The following MOGAT1 variants were observed in gnomAD, a reference collection of about 807,000 sequenced individuals.
The protein encoded by MOGAT1 is monoacylglycerol O-acyltransferase 1.
Under a neutral mutation model 31.4 loss-of-function variants are expected in MOGAT1, and 32 were observed. The ratio of observed to expected loss-of-function variants is 1.02; its 90% CI spans 0.77 to 1.37. The LOEUF (loss-of-function observed/expected upper bound fraction) is 1.37. MOGAT1 is among the 40% of genes most tolerant of loss of function. The pLI is 0.00. For missense variants in MOGAT1, 426 were observed against 402.0 expected, an observed-to-expected ratio of 1.06 and a Z score of -0.51; for synonymous variants, 145 against 144.5, an observed-to-expected ratio of 1.00 and a Z score of -0.03.
At chr2:222,672,889 T>TTTTTTTTTATTATTATTATTA (rs139797469) in intron 1 of MOGAT1, among the ~76,000 whole-genome samples, 3 of 139,224 alleles carry the variant, frequency 2.2e-5, no homozygotes, top group African/African-American at 8.1e-5. Flanking sequence ...CTGGAATTTG[T>TTTTTTTTTATTATTATTATTA]TTATTATTAT....
intron 1 of MOGAT1, among the ~76,000 whole-genome samples, chr2:222,680,320 TG>T (rs1018774550): frequency 1.3e-4 from 20 of 152,372 alleles, no homozygotes; most frequent in Admixed American, 3.9e-4. Context: ...ATTTAGAACA[TG>T]GGGCTGGTTT....
intron 1 of MOGAT1, among the ~76,000 whole-genome samples, chr2:222,687,028 C>T (rs1251127902): frequency 7.0e-6 from 1 of 141,996 alleles, no homozygotes; most frequent in Non-Finnish European, 1.5e-5. Flanking sequence ...GCAGGAGAAT[C>T]GCTTGAACCC....
At chr2:222,694,284 T>G (rs1692808687) in intron 3 of MOGAT1, 78 bp from the exon 4 acceptor site, 2 of 1,312,886 alleles carry the variant, frequency 1.5e-6, no homozygotes, top group Non-Finnish European at 2.0e-6. Flanking sequence ...TGTTTACTAT[T>G]GTCATGGAAT....
At position 222,689,146 on chromosome 2, in the gene MOGAT1, AC is replaced by A. The variant is rs1233934836; in HGVS notation, c.274-118del. 8 of 890,492 alleles carry A rather than the reference AC, an allele frequency of 9.0e-6. No homozygotes were observed. In the East Asian group the frequency reaches 1.6e-4, roughly 18 times the overall value. The allele number at this position is 890,492 out of a possible 1,614,324, so 55.2% of individuals were successfully genotyped here. On this transcript the variant is annotated intron_variant, in intron 2 of 5. Transcript: ENST00000446656. ...TTTGGAAACAGCTCCAACCCAGGGA[AC>A]AAAAATGAGTCATGTTCTCCATTTT...
At position 222,689,405 on chromosome 2, in the gene MOGAT1, A is replaced by G; in HGVS notation, c.414A>G (p.Ser138=). The G allele has an allele frequency of 1.2e-6, 2 of 1,613,988 alleles. No homozygotes were observed. The highest frequency in any genetic ancestry group is 1.1e-5 in the South Asian group (1 of 91,072). The change falls in exon 3 of 6, where the codon TCA becomes TCG. Residue 138 remains serine (S), a synonymous_variant. Coordinates refer to ENST00000446656, the MANE Select transcript of MOGAT1 (RefSeq NM_058165.3). ...AGGACCTGTTTCCTGGCTTTACTTC[A>G]TATCTTCACGTGCTGCCACTTTGGT... ...DFKDLFPGFT[S]YLHVLPLWFW... is the part of the protein sequence containing the mutation.
At chr2:222,701,809 A>G (rs979230585) in intron 5 of MOGAT1, among the ~76,000 whole-genome samples, 1 of 152,178 alleles carries the variant, frequency 6.6e-6, no homozygotes, top group Non-Finnish European at 1.5e-5. Flanking sequence ...GGCATTTATT[A>G]TGCAGCAGCT....
chr2:222,692,506 A>G (rs1692778307), intron 3 of MOGAT1, among the ~76,000 whole-genome samples: 1 of 152,170 alleles, frequency 6.6e-6, no homozygotes, highest in African/African-American at 2.4e-5. Context: ...CACCTTGATA[A>G]ATAATGTTGG....
At chr2:222,703,918 C>CA (rs869287535) in intron 5 of MOGAT1, among the ~76,000 whole-genome samples, 2 of 29,656 alleles carry the variant, frequency 6.7e-5, no homozygotes, top group African/African-American at 4.2e-4. Context: ...GCTGTGTATA[C>CA]CACAAGCCCA....
intron 3 of MOGAT1, among the ~76,000 whole-genome samples, chr2:222,691,896 G>C (rs1045415286): frequency 3.3e-5 from 5 of 152,164 alleles, no homozygotes; most frequent in African/African-American, 1.2e-4. Flanking sequence ...GTCCCATTTT[G>C]GGTGTATCTA....
At chr2:222,693,177 A>C (rs762541326) in intron 3 of MOGAT1, among the ~76,000 whole-genome samples, 9 of 152,238 alleles carry the variant, frequency 5.9e-5, no homozygotes, top group Non-Finnish European at 1.2e-4. Flanking sequence ...AATGGAAAGA[A>C]ACATAAGACA....
At chr2:222,694,260 G>A (rs193258257) in intron 3 of MOGAT1, 102 bp from the exon 4 acceptor site, 1 of 1,119,980 alleles carries the variant, frequency 8.9e-7, no homozygotes, top group Non-Finnish European at 1.2e-6. Context: ...AGCAGTGTAG[G>A]AAATTTTGTT....
At chr2:222,685,111 A>G (rs1377779677) in intron 1 of MOGAT1, among the ~76,000 whole-genome samples, 2 of 152,242 alleles carry the variant, frequency 1.3e-5, no homozygotes, top group Non-Finnish European at 2.9e-5. Context: ...ATGTGTGGTC[A>G]GCCATATTAA....
intron 1 of MOGAT1, among the ~76,000 whole-genome samples, chr2:222,673,195 G>C (rs565997180): frequency 1.3e-5 from 2 of 151,228 alleles, no homozygotes; most frequent in Non-Finnish European, 2.9e-5. Context: ...TTACAGGCGT[G>C]AGCCACCGCG....
intron 5 of MOGAT1, among the ~76,000 whole-genome samples, chr2:222,697,219 G>C (rs1215187912): frequency 1.3e-5 from 2 of 152,172 alleles, no homozygotes; most frequent in East Asian, 3.8e-4. Context: ...AGCCCATTAA[G>C]TAAAATTCAA....
At chr2:222,691,572 A>T (rs1318536162) in intron 3 of MOGAT1, among the ~76,000 whole-genome samples, 2 of 152,182 alleles carry the variant, frequency 1.3e-5, no homozygotes, top group African/African-American at 4.8e-5. Flanking sequence ...TTAAAAGGTA[A>T]ATAGAAATAC....
intron 1 of MOGAT1, among the ~76,000 whole-genome samples, chr2:222,681,366 C>G (rs1472855043): frequency 6.6e-6 from 1 of 152,144 alleles, no homozygotes; most frequent in African/African-American, 2.4e-5. Context: ...TATGATGGCT[C>G]ATAGCACTCA....
intron 1 of MOGAT1, among the ~76,000 whole-genome samples, chr2:222,676,501 A>G (rs1394896247): frequency 1.3e-5 from 2 of 152,170 alleles, no homozygotes; most frequent in Non-Finnish European, 2.9e-5. Context: ...CCAGCCATCT[A>G]TTGATGAATA....
Position 222,687,135 on chromosome 2 carries a change from AAAAAGAAAGAACAAG to A in MOGAT1, c.95-1205_95-1191del, listed in dbSNP as rs1390472306. ...TCTCAAAAAAAAAAAAAAAAAAAAA[AAAAAGAAAGAACAAG>A]AAAGAAAGAAAAAATATATATAAAT... On this transcript the variant is annotated intron_variant, in intron 1 of 5. Transcript: ENST00000446656. Among the ~76,000 whole-genome samples the A allele has an allele frequency of 7.0e-3, 480 of 68,580 alleles. 31 individuals are homozygous for A. Among genetic ancestry groups the A allele is most frequent in the African/African-American group, 0.011 (111 of 9,898 alleles). 45.0% of individuals were successfully genotyped at this position (68,580 alleles called of 152,430 possible).
intron 1 of MOGAT1, among the ~76,000 whole-genome samples, chr2:222,679,718 G>A (rs1047558125): frequency 2.0e-5 from 3 of 152,236 alleles, no homozygotes; most frequent in African/African-American, 7.2e-5. Context: ...AGCAGTCATT[G>A]TTTTGGACTG....
Sources: gnomAD v4.1 joint callset for allele counts (sites outside exome capture counted in the v4.1 genomes callset) on GRCh38, gnomAD v4.1.1 for gene constraint, MANE v1.5 for transcripts, NCBI Gene and HGNC (gene_info 2026-07-23, HGNC 2026-07-21) for gene names.